FAAH2: variants seen among roughly 807,000 people sequenced by gnomAD.
The protein encoded by FAAH2 is fatty-acid amide hydrolase 2.
FAAH2 carries 60 observed loss-of-function variants against 36.9 expected under a neutral mutation model. That is an observed-to-expected ratio of 1.63 (90% CI 1.32 to 2.02). The LOEUF (loss-of-function observed/expected upper bound fraction) is 2.02. Ranked by LOEUF, FAAH2 falls within the 30% of genes most tolerant of loss-of-function variation. The pLI, the probability that FAAH2 is intolerant of heterozygous loss-of-function variation, is 0.00. For missense variants in FAAH2, 689 were observed against 397.5 expected (o/e 1.73, Z -6.23); for synonymous variants, 214 against 143.8 (o/e 1.49, Z -3.49).
At chrX:57,199,265 G>T in the FAAH2 span, among the ~76,000 whole-genome samples, 13 of 110,487 alleles carry the variant, frequency 1.2e-4, no homozygotes, top group African/African-American at 4.3e-4. Context: ...GTATCCCATA[G>T]GTCTTGGTAT....
the FAAH2 span, among the ~76,000 whole-genome samples, chrX:57,149,541 G>A: frequency 8.9e-6 from 1 of 111,754 alleles, no homozygotes; most frequent in African/African-American, 3.3e-5. Context: ...CAGTTTATTT[G>A]CATAGAGGTG....
intron 10 of FAAH2, among the ~76,000 whole-genome samples, chrX:57,485,793 T>C (rs1364366933): frequency 8.9e-6 from 1 of 112,190 alleles, no homozygotes; most frequent in African/African-American, 3.2e-5. Context: ...AAAAATTATT[T>C]GTAATTTTTG....
chrX:57,343,180 T>A (rs752459856), intron 5 of FAAH2, among the ~76,000 whole-genome samples: 1 of 111,861 alleles, frequency 8.9e-6, no homozygotes, highest in Non-Finnish European at 1.9e-5. Flanking sequence ...TTCTAAGTTA[T>A]TTGAGATATC....
At chrX:57,424,443 AC>A (rs1298986330) in intron 7 of FAAH2, among the ~76,000 whole-genome samples, 3 of 111,758 alleles carry the variant, frequency 2.7e-5, no homozygotes, top group Non-Finnish European at 5.6e-5. Context: ...GAACTAAGCA[AC>A]CCAATATAAA....
intron 5 of FAAH2, among the ~76,000 whole-genome samples, chrX:57,353,896 A>G (rs1171956399): frequency 9.0e-6 from 1 of 111,335 alleles, no homozygotes; most frequent in Non-Finnish European, 1.9e-5. Flanking sequence ...AACCAATGTG[A>G]GATTATATCT....
At chrX:57,225,450 T>C in the FAAH2 span, among the ~76,000 whole-genome samples, 1 of 112,211 alleles carries the variant, frequency 8.9e-6, no homozygotes, top group African/African-American at 3.2e-5. Context: ...TGCATGGTTT[T>C]GAAAGTCCTT....
chrX:57,488,702 A>G (rs1474585249), intron 10 of FAAH2, 55 bp from the exon 11 acceptor site: 1 of 1,116,634 alleles, frequency 9.0e-7, no homozygotes, highest in African/African-American at 1.8e-5. Context: ...AATTGAAAAA[A>G]TACGTTTTCA....
At chrX:57,315,090 A>G (rs1240430148) in intron 3 of FAAH2, among the ~76,000 whole-genome samples, 1 of 111,648 alleles carries the variant, frequency 9.0e-6, no homozygotes, top group Non-Finnish European at 1.9e-5. Flanking sequence ...ATAACATTAC[A>G]ACTTATTTCA....
At chrX:57,330,894 G>A (rs778374019) in intron 3 of FAAH2, among the ~76,000 whole-genome samples, 2 of 110,681 alleles carry the variant, frequency 1.8e-5, no homozygotes, top group East Asian at 5.8e-4. Flanking sequence ...CCACCTGACA[G>A]GTCAGGAATT....
the FAAH2 span, among the ~76,000 whole-genome samples, chrX:57,128,065 A>G: frequency 1.8e-5 from 2 of 111,859 alleles, no homozygotes; most frequent in Non-Finnish European, 3.8e-5. Flanking sequence ...TATTTTTGCT[A>G]TTTCAAACAA....
At chrX:57,381,660 C>T (rs768269516) in intron 7 of FAAH2, 1 of 185,786 alleles carries the variant, frequency 5.4e-6, no homozygotes, top group Non-Finnish European at 8.4e-6. Flanking sequence ...AATACAGGAG[C>T]ACCCAGATTC....
At position 57,380,938 on chromosome X, in the gene FAAH2, TA is replaced by T; in HGVS notation, c.909del (p.Asp304ThrfsTer2). 8.4e-7 allele frequency: 1 copy of T among 1,194,596 alleles called. No homozygotes were observed. The highest frequency in any genetic ancestry group is 1.1e-6 in the Non-Finnish European group (1 of 886,139). On this transcript the variant is annotated frameshift_variant, in exon 7 of 11. Coordinates refer to ENST00000374900, the MANE Select transcript of FAAH2 (RefSeq NM_174912.4). LOFTEE classifies it high-confidence loss of function. ...TTAAAACTAGACACAAAGGTACATT[TA>T]AAAGACTTAAAATTTTACTGGATGG... ...KRLKLDTKVH[L>X]KDLKFYWMEH...
chrX:57,442,895 C>T (rs1363131801), intron 8 of FAAH2, among the ~76,000 whole-genome samples: 1 of 110,413 alleles, frequency 9.1e-6, no homozygotes, highest in Non-Finnish European at 1.9e-5. Context: ...ATATGAAATT[C>T]TGGTTTGAAA....
intron 7 of FAAH2, among the ~76,000 whole-genome samples, chrX:57,382,843 T>C (rs1485070412): frequency 2.7e-5 from 3 of 111,637 alleles, no homozygotes; most frequent in Non-Finnish European, 5.6e-5. Context: ...AGCATCATCC[T>C]GATACCAAAG....
At chrX:57,218,583 T>C in the FAAH2 span, among the ~76,000 whole-genome samples, 8 of 111,831 alleles carry the variant, frequency 7.2e-5, no homozygotes, top group Admixed American at 2.8e-4. Flanking sequence ...TTTAGATATG[T>C]TGTTGGATTC....
At chrX:57,184,804 G>C in the FAAH2 span, among the ~76,000 whole-genome samples, 1 of 111,800 alleles carries the variant, frequency 8.9e-6, no homozygotes, top group Admixed American at 9.5e-5. Flanking sequence ...AATCTCCTTT[G>C]GAAAGAGAAA....
At chrX:57,132,595 C>T in the FAAH2 span, among the ~76,000 whole-genome samples, 4 of 112,359 alleles carry the variant, frequency 3.6e-5, no homozygotes, top group African/African-American at 1.3e-4. Flanking sequence ...TAATTTTCAC[C>T]ACGTCTACTA....
At position 57,366,399 on chromosome X, in the gene FAAH2, G is replaced by T. The variant is rs188418119; in HGVS notation, c.743-12252G>T. On this transcript the variant is annotated intron_variant, in intron 5 of 10. Coordinates refer to ENST00000374900, the MANE Select transcript of FAAH2 (RefSeq NM_174912.4). ...AGCTTTGTTCTTTTGCCCCTTGGGGGTTAAATATCTGTTGCCCTGGAGGGG... is the reference window on the plus strand; with the variant it reads ...AGCTTTGTTCTTTTGCCCCTTGGGGTTTAAATATCTGTTGCCCTGGAGGGG... 6.2e-5 allele frequency among the ~76,000 whole-genome samples: 7 copies of T among 112,115 alleles called. No individual in the cohort carries two copies. In the East Asian group the frequency reaches 1.1e-3, roughly 18 times the overall value.
chrX:57,378,202 CAA>C (rs2054736909), intron 5 of FAAH2, among the ~76,000 whole-genome samples: 2 of 112,107 alleles, frequency 1.8e-5, no homozygotes, highest in African/African-American at 6.5e-5. Context: ...CGGAAAATTG[CAA>C]ACAATTTGTT....
Sources: allele counts gnomAD v4.1 joint callset (sites outside exome capture counted in the v4.1 genomes callset), GRCh38; gene constraint gnomAD v4.1.1; transcripts MANE v1.5; gene names NCBI Gene and HGNC (gene_info 2026-07-23, HGNC 2026-07-21).